The following ARHGEF10L variants were observed in gnomAD, a reference collection of about 807,000 sequenced individuals.
ARHGEF10L encodes Rho guanine nucleotide exchange factor 10 like.
A neutral mutation model predicts 141.2 loss-of-function variants in ARHGEF10L; 69 were observed. The ratio of observed to expected loss-of-function variants is 0.49; its 90% CI spans 0.40 to 0.60. The LOEUF (loss-of-function observed/expected upper bound fraction) is 0.60. Among genes scored for constraint, ARHGEF10L ranks in the 20% least tolerant of loss-of-function variants. The pLI, the probability that ARHGEF10L is intolerant of heterozygous loss-of-function variation, is 0.00. For missense variants in ARHGEF10L, 1,482 were observed against 1,734.3 expected, an observed-to-expected ratio of 0.85 and a Z score of 2.58; for synonymous variants, 711 against 718.5, an observed-to-expected ratio of 0.99 and a Z score of 0.17.
At chr1:17,608,980 G>A (rs1368866982) in intron 7 of ARHGEF10L, among the ~76,000 whole-genome samples, 1 of 152,092 alleles carries the variant, frequency 6.6e-6, no homozygotes, top group African/African-American at 2.4e-5. Context: ...ATGGGGTTTC[G>A]TCATGTTGCC....
chr1:17,587,247 T>G (rs1234489634), intron 2 of ARHGEF10L, among the ~76,000 whole-genome samples: 2 of 152,134 alleles, frequency 1.3e-5, no homozygotes, highest in Non-Finnish European at 2.9e-5. Flanking sequence ...CTTCCCTCCC[T>G]CAACTGCCAC....
chr1:17,654,566 G>T lies in ARHGEF10L; in HGVS notation c.2395-70G>T. 1 of 1,379,234 alleles carries T rather than the reference G, an allele frequency of 7.3e-7. No homozygotes were observed. The highest frequency in any genetic ancestry group is 1.0e-6 in the Non-Finnish European group (1 of 966,514). 85.4% of individuals were successfully genotyped at this position (1,379,234 alleles called of 1,614,324 possible). ...CCAGGGAGAGTTGGATGGGGCCCAG[G>T]AATCTGCCAAATATTGGCATCTGGG... On this transcript the variant is annotated intron_variant, in intron 22 of 28. Transcript: ENST00000361221. This position sits in a 1 kb window ranked among gnomAD's most constrained non-coding sequence, Gnocchi z 4.3.
intron 9 of ARHGEF10L, chr1:17,618,253 G>GCCCCCCCCCCCC: frequency 7.4e-7 from 1 of 1,356,214 alleles, no homozygotes. Context: ...GCTCTCCTCA[G>GCCCCCCCCCCCC]CCCTCCCCAC....
At chr1:17,568,777 C>T (rs1031883382) in intron 1 of ARHGEF10L, among the ~76,000 whole-genome samples, 5 of 152,028 alleles carry the variant, frequency 3.3e-5, no homozygotes, top group South Asian at 2.1e-4. Context: ...GGAAAGAGGA[C>T]GGGTGTTTGG....
At chr1:17,636,325 T>C (rs2061000849) in intron 18 of ARHGEF10L, among the ~76,000 whole-genome samples, 1 of 152,190 alleles carries the variant, frequency 6.6e-6, no homozygotes, top group Non-Finnish European at 1.5e-5. Flanking sequence ...GTTATTCAAA[T>C]ATATACAAAC....
chr1:17,596,025 G>A (rs909805766), intron 4 of ARHGEF10L, among the ~76,000 whole-genome samples: 1 of 152,176 alleles, frequency 6.6e-6, no homozygotes, highest in African/African-American at 2.4e-5. Flanking sequence ...ATCCCAGGTC[G>A]TGGCCCCGGG....
intron 25 of ARHGEF10L, among the ~76,000 whole-genome samples, chr1:17,658,967 T>C (rs1156985543): frequency 6.6e-6 from 1 of 151,918 alleles, no homozygotes; most frequent in African/African-American, 2.4e-5. Context: ...GAATGCTTGA[T>C]TTGGTGGGGG....
chr1:17,686,703 G>A (rs2064631631), intron 26 of ARHGEF10L, among the ~76,000 whole-genome samples: 1 of 152,202 alleles, frequency 6.6e-6, no homozygotes, highest in African/African-American at 2.4e-5. Context: ...ACAAGGAAGG[G>A]CAGGAGTGGG....
chr1:17,668,754 C>T (rs1050959729), intron 26 of ARHGEF10L, among the ~76,000 whole-genome samples: 1 of 152,204 alleles, frequency 6.6e-6, no homozygotes, highest in African/African-American at 2.4e-5. Flanking sequence ...GGCAGCTTGC[C>T]TTCAGTACAC....
the ARHGEF10L span, among the ~76,000 whole-genome samples, chr1:17,521,300 G>A: frequency 3.3e-5 from 5 of 152,282 alleles, no homozygotes; most frequent in Admixed American, 1.3e-4. Context: ...AGGCTCAAGC[G>A]ATTCTCCTGC....
chr1:17,596,564 C>T (rs189095032), intron 4 of ARHGEF10L, among the ~76,000 whole-genome samples: 29 of 152,350 alleles, frequency 1.9e-4, no homozygotes, highest in Admixed American at 2.6e-4. Flanking sequence ...AATGCTTGTG[C>T]GTGTGGACCA....
At chr1:17,680,708 G>C (rs1276081929) in intron 26 of ARHGEF10L, among the ~76,000 whole-genome samples, 1 of 151,894 alleles carries the variant, frequency 6.6e-6, no homozygotes, top group Admixed American at 6.6e-5. Context: ...GGGAGCTGGA[G>C]GAGGCGGGCA....
At chr1:17,571,919 T>G (rs981563108) in intron 1 of ARHGEF10L, among the ~76,000 whole-genome samples, 1 of 152,166 alleles carries the variant, frequency 6.6e-6, no homozygotes, top group African/African-American at 2.4e-5. Flanking sequence ...AAGACGTCCT[T>G]GTACCATGCA....
intron 4 of ARHGEF10L, among the ~76,000 whole-genome samples, chr1:17,596,475 T>C (rs1239379851): frequency 6.6e-6 from 1 of 152,240 alleles, no homozygotes; most frequent in Non-Finnish European, 1.5e-5. Flanking sequence ...GTCATTCCAG[T>C]CCTTTCTAGT....
chr1:17,523,875 A>G, the ARHGEF10L span, among the ~76,000 whole-genome samples: 8 of 152,194 alleles, frequency 5.3e-5, no homozygotes, highest in African/African-American at 1.4e-4. Flanking sequence ...CCTTTGAAAC[A>G]TTGGCACATG....
rs559851878 is a variant in ARHGEF10L at position 17,573,635 on chromosome 1, G to A, written c.-43-6918G>A. 2.0e-5 allele frequency among the ~76,000 whole-genome samples: 3 copies of A among 152,196 alleles called. No individual in the cohort carries two copies. The highest frequency in any genetic ancestry group is 1.9e-4 in the East Asian group (1 of 5,156). On this transcript the variant is annotated intron_variant, in intron 1 of 28. Transcript: ENST00000361221. This position sits in a 1 kb window ranked among gnomAD's most constrained non-coding sequence, Gnocchi z 4.8. ...AGGGGGGCTGGAGATAGAGTCTGGG[G>A]CCGCCCCCCTCCCACGCTGTCCAGC...
intron 20 of ARHGEF10L, among the ~76,000 whole-genome samples, 165 bp downstream of exon 20, chr1:17,638,854 A>G (rs1431084547): frequency 6.6e-6 from 1 of 152,198 alleles, no homozygotes; most frequent in Non-Finnish European, 1.5e-5. Flanking sequence ...TCTGGCACGC[A>G]GTAGGTGCTC....
At position 17,697,116 on chromosome 1, in the gene ARHGEF10L, G is replaced by A. The variant is rs367995156; in HGVS notation, c.3576G>A (p.Glu1192=). ...HLPGPLLSMR[E]PAPADGAALE... ...CGGGCCCGCTGCTCTCCATGCGGGA[G>A]CCGGCGCCTGCTGATGGCGCAGCTT... Residue 1192 remains glutamate (E), a synonymous_variant, in exon 29 of 29, where the codon GAG becomes GAA. Transcript: ENST00000361221. The surrounding 1 kb of genome is among the most constrained non-coding windows in gnomAD (Gnocchi z 4.8). 3 of 1,610,206 alleles carry A rather than the reference G, an allele frequency of 1.9e-6. No individual in the cohort carries two copies. In the East Asian group the frequency reaches 6.7e-5, roughly 36 times the overall value.
At chr1:17,565,979 C>G (rs1162028534) in intron 1 of ARHGEF10L, among the ~76,000 whole-genome samples, 1 of 152,162 alleles carries the variant, frequency 6.6e-6, no homozygotes, top group Non-Finnish European at 1.5e-5. Flanking sequence ...GGCACAAAAA[C>G]AAGTACTGTA....
Sources: gnomAD v4.1 joint callset for allele counts (sites outside exome capture counted in the v4.1 genomes callset) on GRCh38, gnomAD v4.1.1 for gene constraint, Gnocchi (gnomAD v3.1) non-coding constraint, MANE v1.5 for transcripts, NCBI Gene and HGNC (gene_info 2026-07-23, HGNC 2026-07-21) for gene names.